The following HSF2 variants were observed in gnomAD, a reference collection of about 807,000 sequenced individuals.
HSF2 encodes the protein heat shock transcription factor 2.
Under a neutral mutation model 65.0 loss-of-function variants are expected in HSF2, and 21 were observed. That is an observed-to-expected ratio of 0.32 (90% CI 0.23 to 0.47). The LOEUF (loss-of-function observed/expected upper bound fraction) is 0.47, where lower values mean the gene tolerates loss of function less well. HSF2 is among the 20% of genes least tolerant of loss of function. The pLI, the probability that HSF2 is intolerant of heterozygous loss-of-function variation, is 1.00. For missense variants in HSF2, 499 were observed against 628.1 expected, an observed-to-expected ratio of 0.79 and a Z score of 2.20; for synonymous variants, 225 against 219.1, an observed-to-expected ratio of 1.03 and a Z score of -0.24.
At chr6:122,409,404 G>T (rs1485699639) in intron 1 of HSF2, among the ~76,000 whole-genome samples, 1 of 152,026 alleles carries the variant, frequency 6.6e-6, no homozygotes, top group Non-Finnish European at 1.5e-5. Context: ...GCAGTTTTCA[G>T]TGAGAGTAAG....
chr6:122,413,517 T>C lies in HSF2; in HGVS notation c.331-8T>C. ...TTTCTTTGATTTTCTAAATTTACTT[T>C]TTCAAAGGTTTCATCTTCAAAACCA... On this transcript the variant is annotated splice_region_variant and splice_polypyrimidine_tract_variant and intron_variant, in intron 3 of 12. Coordinates refer to ENST00000368455, the MANE Select transcript of HSF2 (RefSeq NM_004506.4). 2 of 1,551,118 alleles carry C rather than the reference T, an allele frequency of 1.3e-6. No homozygotes were observed. Among genetic ancestry groups the C allele is most frequent in the Non-Finnish European group, 8.8e-7 (1 of 1,132,780 alleles).
intron 1 of HSF2, among the ~76,000 whole-genome samples, chr6:122,404,731 G>C (rs922570570): frequency 6.6e-6 from 1 of 152,116 alleles, no homozygotes; most frequent in African/African-American, 2.4e-5. Flanking sequence ...AAATACTTAG[G>C]GAGATTCTGT....
chr6:122,423,062 T>TA lies in HSF2; in HGVS notation c.1070+106dup. ...CTTCCTTTCAGATGATGAACCCACA[T>TA]AGTCCACCTTTCTCTGTTTTGGTCA... is the stretch of plus-strand genomic sequence containing the variant. On this transcript the variant is annotated intron_variant, in intron 9 of 12. Coordinates refer to ENST00000368455, the MANE Select transcript of HSF2 (RefSeq NM_004506.4). The TA allele has an allele frequency of 5.8e-6, 7 of 1,216,278 alleles. No homozygotes were observed. In the South Asian group the frequency reaches 9.4e-5, roughly 16 times the overall value. The allele number at this position is 1,216,278 out of a possible 1,614,324, so 75.3% of individuals were successfully genotyped here. A position where few individuals can be genotyped will look rare whatever the true frequency, so the allele number is the denominator to read the frequency against.
In HSF2 at chr6:122,427,946, A is replaced by G. The variant is rs535232531; in HGVS notation, c.1220A>G (p.Asn407Ser). ...SVQMNPTDYI[N>S]NTKSENKGLE... is the part of the protein sequence containing the mutation. ...CAGATGAATCCCACAGATTACATCA[A>G]TAATACAAAAGTAAGTTTTAATTCA... The change falls in exon 11 of 13, where the codon AAT (asparagine) becomes AGT (serine). Residue 407 changes from asparagine (N) to serine (S), a missense_variant. This residue lies in a region of HSF2 where 349 missense variants were observed against 393.5 expected (regional missense o/e 0.89). Coordinates refer to ENST00000368455, the MANE Select transcript of HSF2 (RefSeq NM_004506.4). 15 of 1,598,368 alleles carry G rather than the reference A, an allele frequency of 9.4e-6. No homozygotes were observed. Among genetic ancestry groups the G allele is most frequent in the South Asian group, 1.1e-5 (1 of 89,628 alleles).
At chr6:122,427,064 C>A (rs1189788750) in intron 10 of HSF2, among the ~76,000 whole-genome samples, 1 of 151,892 alleles carries the variant, frequency 6.6e-6, no homozygotes, top group Non-Finnish European at 1.5e-5. Context: ...CCTTTTATTT[C>A]ATTATGTATG....
chr6:122,401,898 A>G (rs2114415549), intron 1 of HSF2, among the ~76,000 whole-genome samples: 1 of 152,310 alleles, frequency 6.6e-6, no homozygotes, highest in Non-Finnish European at 1.5e-5. Flanking sequence ...GAGATTATTT[A>G]TCCATAATTA....
At chr6:122,414,868 C>T (rs772779768) in intron 4 of HSF2, among the ~76,000 whole-genome samples, 2 of 152,266 alleles carry the variant, frequency 1.3e-5, no homozygotes, top group East Asian at 3.9e-4. Flanking sequence ...CCGCCCACAT[C>T]GGCCTTTCAA....
intron 6 of HSF2, among the ~76,000 whole-genome samples, chr6:122,419,694 A>G (rs1278173847): frequency 6.6e-6 from 1 of 152,222 alleles, no homozygotes; most frequent in East Asian, 1.9e-4. Context: ...CTAAAACATT[A>G]GAAGAATAAT....
chr6:122,409,813 T>A (rs17199931), intron 1 of HSF2, among the ~76,000 whole-genome samples: 25,231 of 151,928 alleles, frequency 0.17, 2,795 homozygotes, highest in Non-Finnish European at 0.25. Context: ...ATATGTCTTC[T>A]GGGTTTATTA....
intron 1 of HSF2, among the ~76,000 whole-genome samples, chr6:122,409,290 A>C (rs1773936584): frequency 6.6e-6 from 1 of 152,034 alleles, no homozygotes; most frequent in Non-Finnish European, 1.5e-5. Context: ...GTACCAAATG[A>C]AATGCCACAG....
intron 2 of HSF2, 57 bp from the exon 3 acceptor site, chr6:122,412,580 G>T: frequency 6.3e-7 from 1 of 1,588,058 alleles, no homozygotes; most frequent in East Asian, 2.2e-5. Context: ...TTCCATACAA[G>T]CACCACCAAA....
intron 9 of HSF2, 124 bp downstream of exon 9, chr6:122,423,081 T>A (rs1313323018): frequency 9.8e-7 from 1 of 1,023,538 alleles, no homozygotes; most frequent in East Asian, 2.4e-5. Flanking sequence ...TTTCTCTGTT[T>A]TGGTCAGTGT....
At chr6:122,417,335 A>G (rs1407243545) in intron 5 of HSF2, among the ~76,000 whole-genome samples, 2 of 152,204 alleles carry the variant, frequency 1.3e-5, no homozygotes, top group African/African-American at 4.8e-5. Context: ...CAGTCTGTTA[A>G]TACTTTTCAG....
chr6:122,420,582 A>G (rs1774209380), intron 7 of HSF2, among the ~76,000 whole-genome samples: 1 of 147,956 alleles, frequency 6.8e-6, no homozygotes, highest in Non-Finnish European at 1.5e-5. Context: ...TATTTTGCAT[A>G]TATCTAAACT....
intron 10 of HSF2, 138 bp from the exon 11 acceptor site, chr6:122,427,765 C>G (rs531157968): frequency 2.2e-6 from 1 of 447,972 alleles, no homozygotes; most frequent in Non-Finnish European, 4.0e-6. Flanking sequence ...TTTTCTCTTT[C>G]AAACTTGTTT....
At position 122,422,821 on chromosome 6, in the gene HSF2, C is replaced by G; in HGVS notation, c.934C>G (p.Leu312Val). 1 of 1,613,756 alleles carries G rather than the reference C, an allele frequency of 6.2e-7. No homozygotes were observed. The highest frequency in any genetic ancestry group is 8.5e-7 in the Non-Finnish European group (1 of 1,179,822). Residue 312 changes from leucine to valine, a missense_variant, in exon 9 of 13, where the codon CTA becomes GTA. Leu to Val is a conservative substitution (Grantham distance 32). Around this residue, in one of 2 missense-constraint regions of HSF2, gnomAD observed 349 missense variants for 393.5 expected, o/e 0.89. Transcript: ENST00000368455. The part of the protein sequence containing the change: ...GEQNEPARES[L>V]SSGSDGSSPL... ...GCAGAATGAACCAGCCAGAGAATCCCTAAGTTCAGGCAGTGATGGCAGCAG... is the reference window on the plus strand; with the variant it reads ...GCAGAATGAACCAGCCAGAGAATCCGTAAGTTCAGGCAGTGATGGCAGCAG...
In HSF2 at chr6:122,431,490, G is replaced by A. The variant is rs751319370; in HGVS notation, c.1291G>A (p.Gly431Arg). 2 of 1,588,570 alleles carry A rather than the reference G, an allele frequency of 1.3e-6. No individual in the cohort carries two copies. Among genetic ancestry groups the A allele is most frequent in the Admixed American group, 3.4e-5 (2 of 58,830 alleles). Residue 431 changes from glycine to arginine, a missense_variant, in exon 12 of 13, where the codon GGA becomes AGA. This residue lies in a region of HSF2 where 349 missense variants were observed against 393.5 expected (regional missense o/e 0.89). Coordinates refer to ENST00000368455, the MANE Select transcript of HSF2 (RefSeq NM_004506.4). ...TGTAGTTCAGCCAGTTTCGGAAGAG[G>A]GAAGAAAATCTAAATCCAAACCAGG... ...NNVVQPVSEE[G>R]RKSKSKPDKQ...
rs17084526 is a variant in HSF2, at chr6:122,422,046, C to T, written c.682-104C>T. 2.9e-3 allele frequency: 2,225 copies of T among 766,374 alleles called. 30 individuals are homozygous for T. In the African/African-American group the frequency reaches 0.034, roughly 12 times the overall value. The allele number at this position is 766,374 out of a possible 1,614,324, so 47.5% of individuals were successfully genotyped here. On this transcript the variant is annotated intron_variant, in intron 7 of 12. Transcript: ENST00000368455. ...GAGAACACACCTGTTTTGCATACCC[C>T]GAGATTCAGTAAATAGTAGTTGCCT...
intron 5 of HSF2, among the ~76,000 whole-genome samples, chr6:122,417,348 A>G (rs1344972583): frequency 3.9e-5 from 6 of 152,170 alleles, no homozygotes; most frequent in Non-Finnish European, 7.4e-5. Flanking sequence ...CTTTTCAGAA[A>G]CAGTGTTTTG....
Sources: gnomAD v4.1 joint callset for allele counts (sites outside exome capture counted in the v4.1 genomes callset) on GRCh38, gnomAD v4.1.1 for gene constraint, gnomAD v4.1.1 regional missense constraint, MANE v1.5 for transcripts, NCBI Gene and HGNC (gene_info 2026-07-23, HGNC 2026-07-21) for gene names.